The following LAMA3 variants were observed in gnomAD, a reference collection of about 807,000 sequenced individuals.
The protein encoded by LAMA3 is laminin subunit alpha 3.
LAMA3 carries 281 observed loss-of-function variants against 402.0 expected under a neutral mutation model. The ratio of observed to expected loss-of-function variants is 0.70; its 90% confidence interval spans 0.63 to 0.77. LAMA3 has a LOEUF of 0.77. Ranked by LOEUF, LAMA3 falls within the 30% of genes least tolerant of loss-of-function variation. The pLI is 0.00. For synonymous variants in LAMA3, 1,431 were observed against 1,558.4 expected (o/e 0.92, Z 1.93); for missense variants, 3,840 against 4,215.5 (o/e 0.91, Z 2.47).
chr18:23,852,200 A>G (rs2063961766), intron 32 of LAMA3, among the ~76,000 whole-genome samples: 1 of 152,164 alleles, frequency 6.6e-6, no homozygotes, highest in Non-Finnish European at 1.5e-5. Flanking sequence ...TGGTTTACTC[A>G]TTCATTCTTT....
At chr18:23,813,185 C>A in intron 14 of LAMA3, 82 bp downstream of exon 14, 1 of 952,630 alleles carries the variant, frequency 1.0e-6, no homozygotes, top group South Asian at 1.4e-5. Context: ...GTGGGCACTT[C>A]CAGAAATTAA....
intron 32 of LAMA3, among the ~76,000 whole-genome samples, chr18:23,852,299 A>G (rs925425608): frequency 1.3e-5 from 2 of 152,270 alleles, no homozygotes; most frequent in African/African-American, 4.8e-5. Flanking sequence ...ATTCACAAAT[A>G]CATGGTACTA....
rs114360913 is a variant in LAMA3 at position 23,755,828 on chromosome 18, G to A, written c.947+2016G>A. On this transcript the variant is annotated intron_variant, in intron 6 of 74. Coordinates refer to ENST00000313654, the MANE Select transcript of LAMA3 (RefSeq NM_198129.4). ...AGGGGTGGGGCAGAGTGGTCATCAC[G>A]AAGGGAATTCTCTAATCAATGACAT... Among the ~76,000 whole-genome samples, 1,078 of 152,302 alleles carry A rather than the reference G, an allele frequency of 7.1e-3. 19 individuals carry two copies. The highest frequency in any genetic ancestry group is 0.025 in the African/African-American group (1,026 of 41,546).
At chr18:23,702,541 G>A (rs936010355) in intron 1 of LAMA3, among the ~76,000 whole-genome samples, 7 of 152,226 alleles carry the variant, frequency 4.6e-5, no homozygotes, top group East Asian at 3.9e-4. Flanking sequence ...TGCCCAGGCC[G>A]GTCTTGAACT....
At chr18:23,722,853 A>G (rs2061238046) in intron 2 of LAMA3, among the ~76,000 whole-genome samples, 1 of 152,168 alleles carries the variant, frequency 6.6e-6, no homozygotes. Flanking sequence ...CTTTGGGTCA[A>G]CACACAATTA....
intron 56 of LAMA3, 67 bp downstream of exon 56, chr18:23,912,948 T>C: frequency 7.0e-7 from 1 of 1,419,326 alleles, no homozygotes; most frequent in South Asian, 1.2e-5. Context: ...GCTTTTGAGA[T>C]GTGTGGCACG....
chr18:23,912,703 C>T lies in LAMA3; in HGVS notation c.7159-8C>T. 1.9e-6 allele frequency: 3 copies of T among 1,613,286 alleles called. No individual in the cohort carries two copies. The highest frequency in any genetic ancestry group is 1.7e-5 in the Admixed American group (1 of 60,028). On this transcript the variant is annotated splice_polypyrimidine_tract_variant and splice_region_variant and intron_variant, in intron 55 of 74. Coordinates refer to ENST00000313654, the MANE Select transcript of LAMA3 (RefSeq NM_198129.4). ...AGTGTTTGACACCATGTAACTTACT[C>T]CTCACAGGTTGCTGTCCCCATGAGG...
chr18:23,945,515 C>G (rs2082679174), intron 69 of LAMA3, among the ~76,000 whole-genome samples: 1 of 152,158 alleles, frequency 6.6e-6, no homozygotes, highest in African/African-American at 2.4e-5. Context: ...TCGTGAACAT[C>G]TCAGGGTTGA....
At chr18:23,895,157 TC>T in intron 44 of LAMA3, 99 bp downstream of exon 44, 1 of 1,358,494 alleles carries the variant, frequency 7.4e-7, no homozygotes, top group Non-Finnish European at 1.0e-6. Flanking sequence ...CTGGAAAGGC[TC>T]AGGGGTTGTC....
At chr18:23,704,870 A>T (rs888830324) in intron 1 of LAMA3, among the ~76,000 whole-genome samples, 1 of 114,444 alleles carries the variant, frequency 8.7e-6, no homozygotes, top group Admixed American at 8.7e-5. Context: ...GTTAAGAAAG[A>T]TCATAAAAAA....
chr18:23,823,990 A>G (rs539088896), intron 20 of LAMA3, among the ~76,000 whole-genome samples: 1 of 152,144 alleles, frequency 6.6e-6, no homozygotes, highest in African/African-American at 2.4e-5. Flanking sequence ...ATGAGCTATG[A>G]TGGCATCTGT....
At position 23,846,475 on chromosome 18, in the gene LAMA3, G is replaced by T; in HGVS notation, c.3898G>T (p.Ala1300Ser). 1 of 1,612,212 alleles carries T rather than the reference G, an allele frequency of 6.2e-7. No individual in the cohort carries two copies. The change falls in exon 31 of 75, where the codon GCA becomes TCA. Residue 1300 changes from alanine (A) to serine (S), a missense_variant. Physicochemically the swap from Ala to Ser is moderately conservative, Grantham distance 99. Around this residue, in one of 3 missense-constraint regions of LAMA3, gnomAD observed 2,109 missense variants for 2,376.0 expected, o/e 0.89. Transcript: ENST00000313654. The stretch of plus-strand genomic sequence containing the variant: ...CATCGGGCGGCAGTGCACCCGCTGT[G>T]CAACAGGCCACTACGGATTCCCACG... ...NVIGRQCTRC[A>S]TGHYGFPRCK... is the part of the protein sequence containing the mutation.
intron 9 of LAMA3, 68 bp from the exon 10 acceptor site, chr18:23,775,724 G>A: frequency 6.3e-7 from 1 of 1,580,218 alleles, no homozygotes; most frequent in Non-Finnish European, 8.7e-7. Context: ...CCTGGGAAGT[G>A]TTGGAACATA....
At position 23,816,463 on chromosome 18, in the gene LAMA3, A is replaced by G; in HGVS notation, c.2123A>G (p.His708Arg). 6.2e-7 allele frequency: 1 copy of G among 1,614,048 alleles called. No individual in the cohort carries two copies. The highest frequency in any genetic ancestry group is 2.2e-5 in the East Asian group (1 of 44,880). Residue 708 changes from histidine to arginine, a missense_variant, in exon 18 of 75, where the codon CAT becomes CGT. His to Arg is a conservative substitution (Grantham distance 29). Coordinates refer to ENST00000313654, the MANE Select transcript of LAMA3 (RefSeq NM_198129.4). ...GPSGVCQCREHVVGKVCQRPE... is the reference protein window; with the variant it reads ...GPSGVCQCRERVVGKVCQRPE... Reference sequence around the variant, plus strand: ...TCGGGAGTGTGCCAGTGCCGAGAGCATGTCGTGGGAAAGGTGTGCCAGCGG... The same window carrying G: ...TCGGGAGTGTGCCAGTGCCGAGAGCGTGTCGTGGGAAAGGTGTGCCAGCGG...
chr18:23,815,148 G>A, intron 15 of LAMA3, 40 bp from the exon 16 acceptor site: 1 of 1,586,240 alleles, frequency 6.3e-7, no homozygotes, highest in African/African-American at 1.3e-5. Context: ...ACTGTCTTTT[G>A]TGTCTCCCTT....
intron 1 of LAMA3, among the ~76,000 whole-genome samples, chr18:23,695,852 C>G (rs2060677679): frequency 8.4e-6 from 1 of 119,008 alleles, no homozygotes; most frequent in African/African-American, 3.2e-5. Flanking sequence ...ATGTGCACTT[C>G]TTTATGGCAG....
At chr18:23,744,495 A>G (rs958017099) in intron 2 of LAMA3, among the ~76,000 whole-genome samples, 9 of 152,176 alleles carry the variant, frequency 5.9e-5, no homozygotes, top group Admixed American at 1.3e-4. Flanking sequence ...AGAGGGGCAC[A>G]TCAATTGCTG....
intron 44 of LAMA3, chr18:23,898,393 C>G: frequency 3.9e-6 from 1 of 259,526 alleles, no homozygotes; most frequent in Non-Finnish European, 7.4e-6. Flanking sequence ...TTAGTGTTGT[C>G]AGGTTAACTG....
chr18:23,735,045 A>G lies in LAMA3; in HGVS notation c.448-12898A>G, dbSNP rs76440287. On this transcript the variant is annotated intron_variant, in intron 2 of 74. Coordinates refer to ENST00000313654, the MANE Select transcript of LAMA3 (RefSeq NM_198129.4). ...AATATACCTATTTCTCTTAGCTAAC[A>G]AGAGTGAGTTAAAGAATAATCTCAA... Among the ~76,000 whole-genome samples, 1,419 of 152,354 alleles carry G rather than the reference A, an allele frequency of 9.3e-3. 15 individuals are homozygous for G. The highest frequency in any genetic ancestry group is 0.032 in the African/African-American group (1,350 of 41,576).
Sources: allele counts gnomAD v4.1 joint callset (sites outside exome capture counted in the v4.1 genomes callset), GRCh38; gene constraint gnomAD v4.1.1; regional missense constraint gnomAD v4.1.1; transcripts MANE v1.5; gene names NCBI Gene and HGNC (gene_info 2026-07-23, HGNC 2026-07-21).